The following ANKRD13D variants were observed in gnomAD, a reference collection of about 807,000 sequenced individuals.
The protein encoded by ANKRD13D is ankyrin repeat domain 13D.
A neutral mutation model predicts 68.8 loss-of-function variants in ANKRD13D; 24 were observed. The observed-to-expected ratio is 0.35, with a 90% CI of 0.25 to 0.49. The LOEUF is 0.49. Among genes scored for constraint, ANKRD13D ranks in the 20% least tolerant of loss-of-function variants. The pLI is 0.99. For missense variants in ANKRD13D, 735 were observed against 832.1 expected, an observed-to-expected ratio of 0.88 and a Z score of 1.44; for synonymous variants, 331 against 336.1, an observed-to-expected ratio of 0.98 and a Z score of 0.16.
At position 67,291,588 on chromosome 11, in the gene ANKRD13D, CT is replaced by C; in HGVS notation, c.398-14del. The stretch of plus-strand genomic sequence containing the variant: ...CCTTTGGAAAGACCCCCAGTGACCC[CT>C]GTGCACCCTGCAGTGCCCCTTGTGT... On this transcript the variant is annotated splice_polypyrimidine_tract_variant and intron_variant, in intron 4 of 14. Coordinates refer to ENST00000511455, the MANE Select transcript of ANKRD13D (RefSeq NM_207354.3). 6.2e-7 allele frequency: 1 copy of C among 1,613,938 alleles called. No individual in the cohort carries two copies. Among genetic ancestry groups the C allele is most frequent in the Non-Finnish European group, 8.5e-7 (1 of 1,180,026 alleles).
rs1860892289 is a variant in ANKRD13D, at chr11:67,299,556, G to A, written c.825G>A (p.Leu275=). 1.3e-6 allele frequency: 2 copies of A among 1,550,948 alleles called. No individual in the cohort carries two copies. The highest frequency in any genetic ancestry group is 1.7e-6 in the Non-Finnish European group (2 of 1,146,936). ...TGTACAGTGCCACCAACGTGGAGCT[G>A]GTGACACGCACACGCACGGAGCACC... ...AKVYSATNVE[L]VTRTRTEHLS... Residue 275 remains leucine (L), a synonymous_variant, in exon 8 of 15, where the codon CTG becomes CTA. Coordinates refer to ENST00000511455, the MANE Select transcript of ANKRD13D (RefSeq NM_207354.3). This position sits in a 1 kb window ranked among gnomAD's most constrained non-coding sequence, Gnocchi z 6.2.
intron 6 of ANKRD13D, among the ~76,000 whole-genome samples, chr11:67,296,363 G>C (rs1403178886): frequency 2.0e-5 from 3 of 151,370 alleles, no homozygotes; most frequent in African/African-American, 7.3e-5. Flanking sequence ...GTGTGTGTGT[G>C]TGTATGTGTG....
In ANKRD13D at chr11:67,292,154, GGAC is replaced by G; in HGVS notation, c.706_708del (p.Asp236del). 6.2e-7 allele frequency: 1 copy of G among 1,604,094 alleles called. No individual in the cohort carries two copies. Among genetic ancestry groups the G allele is most frequent in the Non-Finnish European group, 8.5e-7 (1 of 1,172,128 alleles). On this transcript the variant is annotated inframe_deletion, in exon 6 of 15. Coordinates refer to ENST00000511455, the MANE Select transcript of ANKRD13D (RefSeq NM_207354.3). ...CCTCTCCTATCGTCTCCACCCACCT[GGAC>G]ACTCGTAATGTGGCCTTTGAGAGGT... is the stretch of plus-strand genomic sequence containing the variant.
chr11:67,302,053 C>T (rs1861029607), intron 14 of ANKRD13D, 66 bp from the exon 15 acceptor site: 1 of 1,468,798 alleles, frequency 6.8e-7, no homozygotes. Context: ...GTCCCCAGCC[C>T]CTCGGCTTCT....
chr11:67,294,234 G>T (rs899550143), intron 6 of ANKRD13D, among the ~76,000 whole-genome samples: 19 of 152,084 alleles, frequency 1.2e-4, no homozygotes, highest in African/African-American at 4.3e-4. Context: ...CATTTTATAT[G>T]AATTCTATTT....
rs1041725383 is a variant in ANKRD13D at position 67,301,993 on chromosome 11, C to G, written c.1605-126C>G. The G allele has an allele frequency of 1.5e-6, 2 of 1,358,740 alleles. No individual in the cohort carries two copies. Among genetic ancestry groups the G allele is most frequent in the African/African-American group, 2.9e-5 (2 of 67,868 alleles). 84.2% of individuals were successfully genotyped at this position (1,358,740 alleles called of 1,614,324 possible). On this transcript the variant is annotated intron_variant, in intron 14 of 14. Coordinates refer to ENST00000511455, the MANE Select transcript of ANKRD13D (RefSeq NM_207354.3). The surrounding 1 kb of genome is among the most constrained non-coding windows in gnomAD (Gnocchi z 4.5). Reference sequence around the variant, plus strand: ...GAGGGGTGGGGAAGCAGGGCCCTGCCTTGTCTCCTCTGCTTGCCACCCTGT... The same window carrying G: ...GAGGGGTGGGGAAGCAGGGCCCTGCGTTGTCTCCTCTGCTTGCCACCCTGT...
At position 67,291,715 on chromosome 11, in the gene ANKRD13D, G is replaced by A. The variant is rs778247317; in HGVS notation, c.510G>A (p.Arg170=). 5.0e-6 allele frequency: 8 copies of A among 1,614,058 alleles called. No individual in the cohort carries two copies. The highest frequency in any genetic ancestry group is 6.8e-6 in the Non-Finnish European group (8 of 1,180,036). Residue 170 remains arginine, a synonymous_variant, in exon 5 of 15, where the codon CGG becomes CGA. Transcript: ENST00000511455. ...GCTTCGAGCACATGACCTGGCAGCG[G>A]GGCCGGAGGAGCTTCATCTTCAAGG... is the stretch of plus-strand genomic sequence containing the variant. ...LLGFEHMTWQ[R]GRRSFIFKGQ... is the part of the protein sequence containing the mutation.
intron 3 of ANKRD13D, 107 bp from the exon 4 acceptor site, chr11:67,291,369 A>T: frequency 8.6e-7 from 1 of 1,165,788 alleles, no homozygotes; most frequent in East Asian, 2.6e-5. Flanking sequence ...AAAAAAAAAA[A>T]AAAAAAGACC....
chr11:67,301,303 T>G lies in ANKRD13D; in HGVS notation c.1253T>G (p.Leu418Arg), dbSNP rs778264502. 1 of 1,613,172 alleles carries G rather than the reference T, an allele frequency of 6.2e-7. No homozygotes were observed. Among genetic ancestry groups the G allele is most frequent in the South Asian group, 1.1e-5 (1 of 90,934 alleles). The change falls in exon 12 of 15, where the codon CTC becomes CGC. Residue 418 changes from leucine to arginine, a missense_variant. By Grantham distance (102) the Leu-to-Arg change is moderately radical. Transcript: ENST00000511455. The surrounding 1 kb of genome is among the most constrained non-coding windows in gnomAD (Gnocchi z 4.5). Reference protein sequence around the residue: ...VKIEIPLFHVLNARITFSNLC... With the variant: ...VKIEIPLFHVRNARITFSNLC... ...ACAGAGATTCCCCTTTTCCACGTGCTCAATGCCCGCATCACCTTCAGCAAC... is the reference window on the plus strand; with the variant it reads ...ACAGAGATTCCCCTTTTCCACGTGCGCAATGCCCGCATCACCTTCAGCAAC...
Position 67,300,237 on chromosome 11 carries a change from C to G in ANKRD13D, c.1073+114C>G. ...CCCTCGGCTGGCTTCTCTCTGGACT[C>G]CACTCCTGGAGGGCAGGAGTCATGT... is the stretch of plus-strand genomic sequence containing the variant. On this transcript the variant is annotated intron_variant, in intron 10 of 14. Coordinates refer to ENST00000511455, the MANE Select transcript of ANKRD13D (RefSeq NM_207354.3). The surrounding 1 kb of genome is among the most constrained non-coding windows in gnomAD (Gnocchi z 4.3). 6.9e-7 allele frequency: 1 copy of G among 1,459,308 alleles called. No individual in the cohort carries two copies. Among genetic ancestry groups the G allele is most frequent in the East Asian group, 2.3e-5 (1 of 42,622 alleles). The allele number at this position is 1,459,308 out of a possible 1,614,324, so 90.4% of individuals were successfully genotyped here.
At chr11:67,289,766 G>A (rs958976638) in intron 1 of ANKRD13D, 1 of 1,413,102 alleles carries the variant, frequency 7.1e-7, no homozygotes, top group East Asian at 2.7e-5. Context: ...CTGCTCGCCC[G>A]AACTCGCTTC....
At chr11:67,289,901 GCCTTCCCTCCTGCCCCCT>G in intron 1 of ANKRD13D, 159 bp from the exon 2 acceptor site, 1 of 1,435,816 alleles carries the variant, frequency 7.0e-7, no homozygotes. Flanking sequence ...CTCTGCCCCT[GCCTTCCCTCCTGCCCCCT>G]CCTCTCCCCT....
intron 5 of ANKRD13D, 77 bp downstream of exon 5, chr11:67,291,823 C>T: frequency 1.3e-6 from 2 of 1,568,318 alleles, no homozygotes; most frequent in Non-Finnish European, 1.7e-6. Context: ...GCTGCCTTTT[C>T]TCTCCACTTT....
chr11:67,300,298 G>C lies in ANKRD13D; in HGVS notation c.1073+175G>C. The C allele has an allele frequency of 1.2e-6, 1 of 856,440 alleles. No homozygotes were observed. The highest frequency in any genetic ancestry group is 1.7e-6 in the Non-Finnish European group (1 of 582,980). 53.1% of individuals were successfully genotyped at this position (856,440 alleles called of 1,614,324 possible). A position where few individuals can be genotyped will look rare whatever the true frequency, so the allele number is the denominator to read the frequency against. On this transcript the variant is annotated intron_variant, in intron 10 of 14. Transcript: ENST00000511455. This position sits in a 1 kb window ranked among gnomAD's most constrained non-coding sequence, Gnocchi z 4.3. Reference sequence around the variant, plus strand: ...CATGGTCCTCAGCCCTTAGCAAGGGGCTTGGCACAGAAAACCGGTAGTTTG... The same window carrying C: ...CATGGTCCTCAGCCCTTAGCAAGGGCCTTGGCACAGAAAACCGGTAGTTTG...
At position 67,292,283 on chromosome 11, in the gene ANKRD13D, G is replaced by A. The variant is rs915380916; in HGVS notation, c.731+103G>A. ...CTTGAAGATCCTGGTTCAGGCCTCTGGGCTCACTCACAAGGGGCTGCTCAG... is the reference window on the plus strand; with the variant it reads ...CTTGAAGATCCTGGTTCAGGCCTCTAGGCTCACTCACAAGGGGCTGCTCAG... On this transcript the variant is annotated intron_variant, in intron 6 of 14. Transcript: ENST00000511455. 11 of 1,331,818 alleles carry A rather than the reference G, an allele frequency of 8.3e-6. No homozygotes were observed. The South Asian group carries it at 1.8e-4, about 22-fold the overall frequency. 82.5% of individuals were successfully genotyped at this position (1,331,818 alleles called of 1,614,324 possible). A position where few individuals can be genotyped will look rare whatever the true frequency, so the allele number is the denominator to read the frequency against.
At chr11:67,292,262 A>G (rs1391451991) in intron 6 of ANKRD13D, 82 bp downstream of exon 6, 1 of 1,431,934 alleles carries the variant, frequency 7.0e-7, no homozygotes, top group Non-Finnish European at 9.4e-7. Flanking sequence ...GCGATCCTTG[A>G]AGATCCTGGT....
In ANKRD13D at chr11:67,299,483, G is replaced by T; in HGVS notation, c.799-47G>T. On this transcript the variant is annotated intron_variant, in intron 7 of 14. Coordinates refer to ENST00000511455, the MANE Select transcript of ANKRD13D (RefSeq NM_207354.3). The surrounding 1 kb of genome is among the most constrained non-coding windows in gnomAD (Gnocchi z 6.2). Reference sequence around the variant, plus strand: ...TTCTGCACTGGTGAGGCTGAGTGTGGGGAGCAGGCTCTGAGCCCCCAGCTC... The same window carrying T: ...TTCTGCACTGGTGAGGCTGAGTGTGTGGAGCAGGCTCTGAGCCCCCAGCTC... The T allele has an allele frequency of 1.4e-6, 2 of 1,479,824 alleles. No homozygotes were observed. The highest frequency in any genetic ancestry group is 1.2e-5 in the South Asian group (1 of 81,926). 91.7% of individuals were successfully genotyped at this position (1,479,824 alleles called of 1,614,324 possible).
intron 1 of ANKRD13D, chr11:67,289,867 C>T: frequency 7.0e-7 from 1 of 1,430,302 alleles, no homozygotes. Flanking sequence ...CTCTGCCTGA[C>T]CAGGCCCCGC....
chr11:67,300,573 T>C lies in ANKRD13D; in HGVS notation c.1074-417T>C. 3 of 365,950 alleles carry C rather than the reference T, an allele frequency of 8.2e-6. No individual in the cohort carries two copies. The highest frequency in any genetic ancestry group is 1.5e-5 in the Non-Finnish European group (3 of 202,092). The allele number at this position is 365,950 out of a possible 1,614,324, so 22.7% of individuals were successfully genotyped here. ...CCCCACCATCTCAGGAGGATTCTCT[T>C]AGCCACCCAACAGTCGCTGGGATTC... On this transcript the variant is annotated intron_variant, in intron 10 of 14. Transcript: ENST00000511455. The surrounding 1 kb of genome is among the most constrained non-coding windows in gnomAD (Gnocchi z 4.3).
Sources: gnomAD v4.1 joint callset for allele counts (sites outside exome capture counted in the v4.1 genomes callset) on GRCh38, gnomAD v4.1.1 for gene constraint, Gnocchi (gnomAD v3.1) non-coding constraint, MANE v1.5 for transcripts, NCBI Gene and HGNC (gene_info 2026-07-23, HGNC 2026-07-21) for gene names.